DMRT1: variants seen among roughly 807,000 people sequenced by gnomAD.
The protein encoded by DMRT1 is doublesex- and mab-3-related transcription factor 1.
In DMRT1, 7 loss-of-function variants were observed where a neutral mutation model predicts 32.3. The observed-to-expected ratio is 0.22, with a 90% confidence interval of 0.12 to 0.41. DMRT1 has a LOEUF of 0.41. Among genes scored for constraint, DMRT1 ranks in the 10% least tolerant of loss-of-function variants. The probability of loss-of-function intolerance (pLI) is 1.00; values close to 1 mark genes in which losing one functional copy is unlikely to be tolerated. For missense variants in DMRT1, 625 were observed against 500.5 expected, an observed-to-expected ratio of 1.25 and a Z score of -2.37; for synonymous variants, 278 against 206.1, an observed-to-expected ratio of 1.35 and a Z score of -2.99.
intron 4 of DMRT1, among the ~76,000 whole-genome samples, chr9:929,605 A>G (rs888151871): frequency 6.6e-6 from 1 of 152,020 alleles, no homozygotes; most frequent in African/African-American, 2.4e-5. Context: ...CTTTCTTTCT[A>G]TTATACAGGC....
intron 4 of DMRT1, among the ~76,000 whole-genome samples, chr9:922,096 C>T (rs1012830024): frequency 6.6e-6 from 1 of 151,700 alleles, no homozygotes; most frequent in African/African-American, 2.4e-5. Context: ...CTCAGGCTGT[C>T]TTGAACTCCT....
intron 4 of DMRT1, among the ~76,000 whole-genome samples, chr9:956,135 T>C (rs577504206): frequency 6.6e-6 from 1 of 152,312 alleles, no homozygotes; most frequent in East Asian, 1.9e-4. Flanking sequence ...TGGATGAAAC[T>C]TGAGAACGTT....
chr9:878,210 C>A (rs535346698), intron 2 of DMRT1, among the ~76,000 whole-genome samples: 9 of 127,396 alleles, frequency 7.1e-5, no homozygotes, highest in African/African-American at 2.7e-4. Flanking sequence ...GCCCCCCCCC[C>A]ACCCAATAAA....
At chr9:846,397 A>T (rs1403446452) in intron 1 of DMRT1, among the ~76,000 whole-genome samples, 1 of 152,060 alleles carries the variant, frequency 6.6e-6, no homozygotes, top group Non-Finnish European at 1.5e-5. Flanking sequence ...ACCTGTTTTT[A>T]GTACAGTGGC....
intron 2 of DMRT1, among the ~76,000 whole-genome samples, chr9:863,148 A>AC (rs1554745424): frequency 0.2 from 19,358 of 98,332 alleles, 1,589 homozygotes; most frequent in East Asian, 0.38. Flanking sequence ...TCAGGTCTCT[A>AC]CAAAAAAAAA....
intron 1 of DMRT1, among the ~76,000 whole-genome samples, chr9:843,556 G>A (rs1838782427): frequency 6.6e-6 from 1 of 152,218 alleles, no homozygotes; most frequent in Admixed American, 6.5e-5. Context: ...TTTTTTGAAG[G>A]TTCGTAAGTA....
intron 2 of DMRT1, among the ~76,000 whole-genome samples, chr9:855,701 C>T (rs962814001): frequency 2.6e-5 from 4 of 152,220 alleles, no homozygotes; most frequent in Admixed American, 6.5e-5. Context: ...CTCACTGCTG[C>T]CTTGACCTCC....
intron 3 of DMRT1, among the ~76,000 whole-genome samples, chr9:915,426 A>G (rs1297879673): frequency 6.6e-6 from 1 of 152,194 alleles, no homozygotes; most frequent in Admixed American, 6.5e-5. Flanking sequence ...CTTATATAAA[A>G]GCTATCTCAT....
At position 968,091 on chromosome 9, in the gene DMRT1, G is replaced by C; in HGVS notation, c.1074G>C (p.Ser358=). 6.2e-7 allele frequency: 1 copy of C among 1,614,116 alleles called. No individual in the cohort carries two copies. Among genetic ancestry groups the C allele is most frequent in the African/African-American group, 1.3e-5 (1 of 75,020 alleles). ...TKAVLECEPA[S]EPSSFTVTPV... ...CAGTGCTTGAATGTGAGCCTGCGTC[G>C]GAGCCCAGCAGCTTCACAGTCACTC... The change falls in exon 5 of 5, where the codon TCG becomes TCC. Residue 358 remains serine, a synonymous_variant. Coordinates refer to ENST00000382276, the MANE Select transcript of DMRT1 (RefSeq NM_021951.3).
intron 2 of DMRT1, among the ~76,000 whole-genome samples, chr9:891,553 C>T (rs554728722): frequency 3.4e-5 from 5 of 149,194 alleles, no homozygotes; most frequent in African/African-American, 4.9e-5. Flanking sequence ...CTTGCTCTGT[C>T]GCCCAGGCTG....
intron 3 of DMRT1, among the ~76,000 whole-genome samples, chr9:907,103 C>T (rs1204126519): frequency 2.0e-5 from 3 of 152,132 alleles, no homozygotes; most frequent in Admixed American, 6.6e-5. Context: ...CAGTACAACC[C>T]CCATCCGTAC....
chr9:890,085 G>GTTTTTTTTTTTTTTTTGTTTTTTTTTTT (rs1817081432), intron 2 of DMRT1, among the ~76,000 whole-genome samples: 1 of 103,002 alleles, frequency 9.7e-6, no homozygotes, highest in African/African-American at 3.8e-5. Context: ...CACCAAACGT[G>GTTTTTTTTTTTTTTTTGTTTTTTTTTTT]TTTTTTTTTT....
chr9:905,704 G>A (rs1364111490), intron 3 of DMRT1, among the ~76,000 whole-genome samples: 1 of 152,144 alleles, frequency 6.6e-6, no homozygotes, highest in African/African-American at 2.4e-5. Flanking sequence ...AAGCAGAACA[G>A]CCCTGGAACA....
At chr9:866,094 G>T (rs1266919151) in intron 2 of DMRT1, among the ~76,000 whole-genome samples, 2 of 139,586 alleles carry the variant, frequency 1.4e-5, no homozygotes, top group African/African-American at 2.6e-5. Context: ...AACCCAAGAG[G>T]CAGCAGCTGC....
At position 842,293 on chromosome 9, in the gene DMRT1, G is replaced by A. The variant is rs1404974385; in HGVS notation, c.354+101G>A. On this transcript the variant is annotated intron_variant, in intron 1 of 4. Coordinates refer to ENST00000382276, the MANE Select transcript of DMRT1 (RefSeq NM_021951.3). ...TCGGTTGCCCAGGCTGCAGTGTAGT[G>A]GCGCGATCTTGGCTCACTGCAACCT... 2.1e-6 allele frequency: 3 copies of A among 1,426,530 alleles called. 1 individual carries two copies. The Admixed American group carries it at 7.3e-5, about 35-fold the overall frequency. The allele number at this position is 1,426,530 out of a possible 1,614,324, so 88.4% of individuals were successfully genotyped here.
At chr9:916,114 T>C (rs1353827306) in intron 3 of DMRT1, among the ~76,000 whole-genome samples, 1 of 152,190 alleles carries the variant, frequency 6.6e-6, no homozygotes, top group African/African-American at 2.4e-5. Context: ...TGAAGAAACA[T>C]GGGAAGAGGT....
intron 4 of DMRT1, among the ~76,000 whole-genome samples, chr9:955,909 G>A (rs1223221267): frequency 3.9e-5 from 6 of 152,138 alleles, no homozygotes; most frequent in Admixed American, 2.6e-4. Flanking sequence ...ATTACCATAC[G>A]GTCCAGCAGT....
At chr9:880,129 A>T (rs1204959854) in intron 2 of DMRT1, among the ~76,000 whole-genome samples, 2 of 152,188 alleles carry the variant, frequency 1.3e-5, no homozygotes, top group East Asian at 1.9e-4. Context: ...GAGTTTCAGT[A>T]ATTGTAGTTT....
chr9:968,253 T>G lies in DMRT1; in HGVS notation c.*114T>G. 2 of 1,316,334 alleles carry G rather than the reference T, an allele frequency of 1.5e-6. No individual in the cohort carries two copies. The highest frequency in any genetic ancestry group is 2.1e-6 in the Non-Finnish European group (2 of 946,588). The allele number at this position is 1,316,334 out of a possible 1,614,324, so 81.5% of individuals were successfully genotyped here. ...ACTATCTTAACTGTTGAGAACGTAT[T>G]TGGTTTATATTCCTTAGAGTTTAGT... On this transcript the variant is annotated 3_prime_UTR_variant, in exon 5 of 5. Transcript: ENST00000382276.
Sources: gnomAD v4.1 joint callset for allele counts (sites outside exome capture counted in the v4.1 genomes callset) on GRCh38, gnomAD v4.1.1 for gene constraint, MANE v1.5 for transcripts, NCBI Gene and HGNC (gene_info 2026-07-23, HGNC 2026-07-21) for gene names.